MPPED2: variants seen among roughly 807,000 people sequenced by gnomAD.
MPPED2 encodes the protein metallophosphoesterase MPPED2.
Under a neutral mutation model 33.0 loss-of-function variants are expected in MPPED2, and 5 were observed. The observed-to-expected ratio is 0.15, with a 90% CI of 0.08 to 0.32. The LOEUF is 0.32. Among genes scored for constraint, MPPED2 ranks in the 10% least tolerant of loss-of-function variants. The pLI is 1.00. For missense variants in MPPED2, 275 were observed against 372.1 expected, an observed-to-expected ratio of 0.74 and a Z score of 2.15; for synonymous variants, 136 against 141.9, an observed-to-expected ratio of 0.96 and a Z score of 0.29.
intron 6 of MPPED2, among the ~76,000 whole-genome samples, chr11:30,399,668 C>G (rs1350378954): frequency 6.6e-6 from 1 of 152,150 alleles, no homozygotes; most frequent in Non-Finnish European, 1.5e-5. Flanking sequence ...AGACCTCATT[C>G]ATGTAGAGTC....
rs569836558 is a variant in MPPED2 at position 30,404,240 on chromosome 11, C to T, written c.766+9988G>A. Among the ~76,000 whole-genome samples, 8 of 152,312 alleles carry T rather than the reference C, an allele frequency of 5.3e-5. No homozygotes were observed. In the South Asian group the frequency reaches 1.7e-3, roughly 32 times the overall value. On this transcript the variant is annotated intron_variant, in intron 6 of 6. Transcript: ENST00000448418. ...CTCAGGGCAGTATTTCTCCAGAGAGCTATTTTGGATTCCACATAAGAGTAA... is the reference window on the plus strand; with the variant it reads ...CTCAGGGCAGTATTTCTCCAGAGAGTTATTTTGGATTCCACATAAGAGTAA...
chr11:30,431,261 A>G (rs1949066468), intron 4 of MPPED2, among the ~76,000 whole-genome samples: 1 of 152,118 alleles, frequency 6.6e-6, no homozygotes, highest in Admixed American at 6.6e-5. Context: ...GCGTGTGTGT[A>G]TTCTCTGTTG....
At chr11:30,585,695 G>C (rs1957432819) in intron 1 of MPPED2, among the ~76,000 whole-genome samples, 1 of 152,088 alleles carries the variant, frequency 6.6e-6, no homozygotes, top group Admixed American at 6.5e-5. Flanking sequence ...CCCAGAGGTC[G>C]GGGGACTGAT....
At chr11:30,580,605 T>C (rs778294007) in intron 1 of MPPED2, 111 bp from the exon 2 acceptor site, 29 of 1,096,004 alleles carry the variant, frequency 2.6e-5, no homozygotes, top group Non-Finnish European at 3.4e-5. Flanking sequence ...AATCTGAATA[T>C]GTGTTGTTGG....
chr11:30,438,241 G>C (rs1565067915), intron 4 of MPPED2, among the ~76,000 whole-genome samples: 1 of 152,206 alleles, frequency 6.6e-6, no homozygotes, highest in Non-Finnish European at 1.5e-5. Context: ...GAAGTGTGGT[G>C]AGTGAGCATG....
intron 2 of MPPED2, among the ~76,000 whole-genome samples, chr11:30,575,161 A>G (rs1956872581): frequency 6.6e-6 from 1 of 152,196 alleles, no homozygotes; most frequent in African/African-American, 2.4e-5. Context: ...TAAAAGCTAC[A>G]GATTTTTTTT....
At chr11:30,451,715 G>A (rs773314626) in intron 4 of MPPED2, 22 of 975,368 alleles carry the variant, frequency 2.3e-5, no homozygotes, top group Admixed American at 6.2e-5. Flanking sequence ...AGAAACTTTT[G>A]AAAGAATACA....
At chr11:30,432,630 C>T (rs575177) in intron 4 of MPPED2, among the ~76,000 whole-genome samples, 9,385 of 152,118 alleles carry the variant, frequency 0.062, 347 homozygotes, top group South Asian at 0.17. Context: ...TAAAAACATA[C>T]GCCCTAGAAT....
chr11:30,519,805 AT>A (rs1338000644), intron 3 of MPPED2, among the ~76,000 whole-genome samples: 4 of 152,092 alleles, frequency 2.6e-5, no homozygotes, highest in African/African-American at 9.7e-5. Context: ...CACCACTAAC[AT>A]TATTATATGC....
intron 3 of MPPED2, among the ~76,000 whole-genome samples, chr11:30,511,211 G>A (rs773211311): frequency 4.6e-5 from 7 of 152,150 alleles, no homozygotes; most frequent in Non-Finnish European, 7.3e-5. Context: ...AATGACCACA[G>A]TCTTTCTACA....
At position 30,586,071 on chromosome 11, in the gene MPPED2, G is replaced by A. The variant is rs1017910776; in HGVS notation, c.-151C>T. 3.3e-5 allele frequency: 5 copies of A among 152,210 alleles called. No individual in the cohort carries two copies. Among genetic ancestry groups the A allele is most frequent in the Non-Finnish European group, 7.3e-5 (5 of 68,058 alleles). The allele number at this position is 152,210 out of a possible 1,614,324, so 9.4% of individuals were successfully genotyped here. A position where few individuals can be genotyped will look rare whatever the true frequency, so the allele number is the denominator to read the frequency against. On this transcript the variant is annotated 5_prime_UTR_variant, in exon 1 of 7. Coordinates refer to ENST00000358117, the MANE Select transcript of MPPED2 (RefSeq NM_001584.3). This position sits in a 1 kb window ranked among gnomAD's most constrained non-coding sequence, Gnocchi z 4.8. The stretch of plus-strand genomic sequence containing the variant: ...CCCGGGCTGCGCTCCGGATCCCGGG[G>A]ATGCCTTCAGCGCCCGGCGAGCAGG...
intron 4 of MPPED2, among the ~76,000 whole-genome samples, chr11:30,493,585 T>C (rs1367111390): frequency 5.6e-5 from 3 of 53,622 alleles, no homozygotes; most frequent in African/African-American, 1.7e-4. Context: ...TTTTGCTCTA[T>C]ATACACCCTC....
chr11:30,393,736 A>G (rs531460859), intron 6 of MPPED2, among the ~76,000 whole-genome samples: 8 of 152,320 alleles, frequency 5.3e-5, no homozygotes, highest in African/African-American at 1.7e-4. Context: ...CTTGTTTATC[A>G]TAAGTTAGAA....
At chr11:30,412,371 G>C (rs1384431672) in intron 6 of MPPED2, among the ~76,000 whole-genome samples, 1 of 151,736 alleles carries the variant, frequency 6.6e-6, no homozygotes, top group Non-Finnish European at 1.5e-5. Flanking sequence ...AAAATGTTTA[G>C]CATGTTTGCA....
intron 3 of MPPED2, among the ~76,000 whole-genome samples, chr11:30,523,621 CTTTT>C (rs755853042): frequency 1.9e-5 from 2 of 104,592 alleles, no homozygotes; most frequent in Non-Finnish European, 1.8e-5. Context: ...AGCAACACAT[CTTTT>C]TTTTTTTTTT....
intron 4 of MPPED2, among the ~76,000 whole-genome samples, chr11:30,433,368 G>A (rs1434952669): frequency 6.6e-6 from 1 of 152,076 alleles, no homozygotes; most frequent in Non-Finnish European, 1.5e-5. Flanking sequence ...TAAAATAATG[G>A]CTATTCATAA....
At chr11:30,541,085 G>C (rs1955083727) in intron 2 of MPPED2, among the ~76,000 whole-genome samples, 1 of 152,146 alleles carries the variant, frequency 6.6e-6, no homozygotes, top group Non-Finnish European at 1.5e-5. Context: ...TGAACAAATT[G>C]GCAGATTTTT....
At chr11:30,514,734 G>T (rs1422724321) in intron 3 of MPPED2, among the ~76,000 whole-genome samples, 1 of 152,178 alleles carries the variant, frequency 6.6e-6, no homozygotes, top group Non-Finnish European at 1.5e-5. Flanking sequence ...CCCTGTAAAT[G>T]AAATCAAATG....
At chr11:30,577,392 G>C (rs1223659578) in intron 2 of MPPED2, among the ~76,000 whole-genome samples, 1 of 152,144 alleles carries the variant, frequency 6.6e-6, no homozygotes, top group African/African-American at 2.4e-5. Context: ...GAAATCTCAA[G>C]TGTAAGTGAA....
Sources: gnomAD v4.1 joint callset for allele counts (sites outside exome capture counted in the v4.1 genomes callset) on GRCh38, gnomAD v4.1.1 for gene constraint, Gnocchi (gnomAD v3.1) non-coding constraint, MANE v1.5 for transcripts, NCBI Gene and HGNC (gene_info 2026-07-23, HGNC 2026-07-21) for gene names.